TECRL: variants seen among roughly 807,000 people sequenced by gnomAD.
TECRL encodes the protein trans-2,3-enoyl-CoA reductase-like.
In TECRL, 63 loss-of-function variants were observed where a neutral mutation model predicts 52.8. That is an observed-to-expected ratio of 1.19 (90% CI 0.97 to 1.47). TECRL has a LOEUF of 1.47. Ranked by LOEUF, TECRL falls within the 40% of genes most tolerant of loss-of-function variation. TECRL has a pLI of 0.00. For synonymous variants in TECRL, 164 were observed against 141.9 expected, an observed-to-expected ratio of 1.16 and a Z score of -1.10; for missense variants, 482 against 429.6, an observed-to-expected ratio of 1.12 and a Z score of -1.08.
At chr4:64,377,210 C>T (rs1428296256) in intron 1 of TECRL, among the ~76,000 whole-genome samples, 1 of 151,866 alleles carries the variant, frequency 6.6e-6, no homozygotes, top group Non-Finnish European at 1.5e-5. Context: ...TGAGAACTGC[C>T]CTTTCTGCAG....
intron 6 of TECRL, among the ~76,000 whole-genome samples, chr4:64,306,530 GT>G (rs1724352040): frequency 6.6e-6 from 1 of 152,082 alleles, no homozygotes; most frequent in African/African-American, 2.4e-5. Context: ...TGTTATGTAT[GT>G]TTTTGCAACC....
chr4:64,281,345 C>G (rs780534777), intron 10 of TECRL, 129 bp downstream of exon 10: 36 of 632,932 alleles, frequency 5.7e-5, no homozygotes, highest in Admixed American at 1.0e-4. Flanking sequence ...TTTGTTATAC[C>G]ATGATCTGTG....
intron 9 of TECRL, among the ~76,000 whole-genome samples, chr4:64,283,510 A>G (rs1722933809): frequency 6.6e-6 from 1 of 152,088 alleles, no homozygotes; most frequent in Non-Finnish European, 1.5e-5. Context: ...GTTATGTTAT[A>G]GTGGTTGAAA....
intron 2 of TECRL, among the ~76,000 whole-genome samples, chr4:64,349,507 T>C (rs1720231463): frequency 6.6e-6 from 1 of 152,298 alleles, no homozygotes; most frequent in South Asian, 2.1e-4. Flanking sequence ...AGAGTTTGAT[T>C]ACCCTGAGTG....
chr4:64,406,147 G>GGCGC lies in TECRL; in HGVS notation c.234+2967_234+2970dup, dbSNP rs67324937. 4.9e-3 allele frequency among the ~76,000 whole-genome samples: 719 copies of GGCGC among 146,600 alleles called. 2 individuals carry two copies. Among genetic ancestry groups the GGCGC allele is most frequent in the Middle Eastern group, 0.014 (4 of 286 alleles). On this transcript the variant is annotated intron_variant, in intron 1 of 11. Transcript: ENST00000381210. ...CAAGAGAAAGCTTTTTTATTTGTTA[G>GGCGC]GCGCGCGCGCGCGCGCGCGTGTGTG...
intron 8 of TECRL, among the ~76,000 whole-genome samples, chr4:64,293,670 T>TG (rs1202217715): frequency 1.3e-5 from 2 of 151,342 alleles, no homozygotes; most frequent in African/African-American, 4.8e-5. Context: ...ATTGTTAATT[T>TG]TTTACAGGCC....
At chr4:64,330,032 A>G (rs1718529221) in intron 2 of TECRL, among the ~76,000 whole-genome samples, 1 of 151,894 alleles carries the variant, frequency 6.6e-6, no homozygotes, top group Non-Finnish European at 1.5e-5. Context: ...TATTGAGGAA[A>G]GAGAAAAAGG....
intron 2 of TECRL, among the ~76,000 whole-genome samples, chr4:64,353,004 C>G (rs1326677251): frequency 6.6e-6 from 1 of 152,190 alleles, no homozygotes; most frequent in Non-Finnish European, 1.5e-5. Context: ...CAGGCACAAG[C>G]CACTGCACCC....
intron 1 of TECRL, among the ~76,000 whole-genome samples, chr4:64,389,323 G>A (rs1723394838): frequency 6.6e-6 from 1 of 151,786 alleles, no homozygotes; most frequent in Admixed American, 6.6e-5. Flanking sequence ...CTTTTATTAT[G>A]GAGGAGTGTT....
intron 9 of TECRL, among the ~76,000 whole-genome samples, chr4:64,284,263 T>C (rs539602861): frequency 6.6e-6 from 1 of 152,116 alleles, no homozygotes; most frequent in South Asian, 2.1e-4. Context: ...GAAGAAATGT[T>C]AGAATTTCCA....
intron 1 of TECRL, among the ~76,000 whole-genome samples, chr4:64,402,005 A>C (rs1264977863): frequency 1.3e-5 from 2 of 152,124 alleles, no homozygotes; most frequent in Non-Finnish European, 2.9e-5. Flanking sequence ...GGTCTAAAAA[A>C]TTTAGATCAT....
Position 64,399,473 on chromosome 4 carries a change from C to T in TECRL, c.234+9645G>A, listed in dbSNP as rs964756887. Among the ~76,000 whole-genome samples, 10 of 152,260 alleles carry T rather than the reference C, an allele frequency of 6.6e-5. 1 individual carries two copies. Among genetic ancestry groups the T allele is most frequent in the African/African-American group, 2.4e-4 (10 of 41,544 alleles). On this transcript the variant is annotated intron_variant, in intron 1 of 11. Transcript: ENST00000381210. ...GAAATTTGTGTAACTAAGAAGAAGG[C>T]AAGTGCTGATAGCCAAGACAATGAG...
Position 64,296,768 on chromosome 4 carries a change from T to C in TECRL, c.774+3206A>G, listed in dbSNP as rs2109965276. ...TTGTTGGCTTTTGGGTGGAATTGGA[T>C]TCAGAGGATGAGGTGGGGTCATGGA... On this transcript the variant is annotated intron_variant, in intron 8 of 11. Transcript: ENST00000381210. 2.6e-5 allele frequency among the ~76,000 whole-genome samples: 4 copies of C among 151,838 alleles called. No individual in the cohort carries two copies. The South Asian group carries it at 8.3e-4, about 31-fold the overall frequency.
At chr4:64,346,193 T>G (rs2109552311) in intron 2 of TECRL, among the ~76,000 whole-genome samples, 1 of 152,306 alleles carries the variant, frequency 6.6e-6, no homozygotes, top group South Asian at 2.1e-4. Context: ...ATCTTTCAAC[T>G]CATGAAAGAA....
At chr4:64,372,213 G>C (rs1237029434) in intron 2 of TECRL, among the ~76,000 whole-genome samples, 2 of 151,726 alleles carry the variant, frequency 1.3e-5, no homozygotes, top group Non-Finnish European at 3.0e-5. Flanking sequence ...ATAATTACAA[G>C]TGTTAAGAAA....
At chr4:64,302,913 A>C (rs1397452762) in intron 7 of TECRL, among the ~76,000 whole-genome samples, 1 of 151,186 alleles carries the variant, frequency 6.6e-6, no homozygotes, top group Non-Finnish European at 1.5e-5. Context: ...AATTATTATT[A>C]TATCTTTTAC....
At chr4:64,382,309 ATATAT>A (rs1465364730) in intron 1 of TECRL, among the ~76,000 whole-genome samples, 1 of 145,146 alleles carries the variant, frequency 6.9e-6, no homozygotes, top group East Asian at 2.0e-4. Context: ...ACATTATATT[ATATAT>A]TATATCTATA....
At chr4:64,389,891 A>G (rs1439935623) in intron 1 of TECRL, among the ~76,000 whole-genome samples, 3 of 151,902 alleles carry the variant, frequency 2.0e-5, no homozygotes, top group Non-Finnish European at 4.4e-5. Flanking sequence ...TTTATTAGAA[A>G]GGGAGGGCTG....
In TECRL at chr4:64,333,787, G is replaced by A. The variant is rs578120621; in HGVS notation, c.287-5231C>T. Among the ~76,000 whole-genome samples the A allele has an allele frequency of 7.5e-3, 954 of 126,904 alleles. 44 individuals are homozygous for A. The highest frequency in any genetic ancestry group is 0.011 in the Non-Finnish European group (643 of 60,808). 83.3% of individuals were successfully genotyped at this position (126,904 alleles called of 152,430 possible). Reference sequence around the variant, plus strand: ...TGTAATCCCAGCACTTTGGGAGGCCGAGGCGGGTGGATCATGAGGTCAGGA... The same window carrying A: ...TGTAATCCCAGCACTTTGGGAGGCCAAGGCGGGTGGATCATGAGGTCAGGA... On this transcript the variant is annotated intron_variant, in intron 2 of 11. Coordinates refer to ENST00000381210, the MANE Select transcript of TECRL (RefSeq NM_001010874.5).
Sources: gnomAD v4.1 joint callset for allele counts (sites outside exome capture counted in the v4.1 genomes callset) on GRCh38, gnomAD v4.1.1 for gene constraint, MANE v1.5 for transcripts, NCBI Gene and HGNC (gene_info 2026-07-23, HGNC 2026-07-21) for gene names.